The following RBM27 variants were observed in gnomAD, a reference collection of about 807,000 sequenced individuals.
RBM27 encodes the protein RNA binding motif protein 27.
Under a neutral mutation model 135.3 loss-of-function variants are expected in RBM27, and 22 were observed. The ratio of observed to expected loss-of-function variants is 0.16; its 90% CI spans 0.12 to 0.23. The LOEUF (loss-of-function observed/expected upper bound fraction) is 0.23, where lower values mean the gene tolerates loss of function less well. RBM27 is among the 10% of genes least tolerant of loss of function. The pLI is 1.00. For missense variants in RBM27, 1,009 were observed against 1,281.0 expected (o/e 0.79, Z 3.24); for synonymous variants, 481 against 442.4 (o/e 1.09, Z -1.10).
At chr5:146,207,569 A>T (rs939492321) in intron 1 of RBM27, among the ~76,000 whole-genome samples, 10 of 151,518 alleles carry the variant, frequency 6.6e-5, no homozygotes, top group Admixed American at 4.6e-4. Context: ...ACAGTAAATT[A>T]AATTTATGAA....
At chr5:146,237,013 A>G (rs1468455993) in intron 7 of RBM27, among the ~76,000 whole-genome samples, 1 of 131,372 alleles carries the variant, frequency 7.6e-6, no homozygotes, top group African/African-American at 3.0e-5. Flanking sequence ...ATCTCGGCTC[A>G]CCGCAACCTC....
rs1420675411 is a variant in RBM27 at position 146,251,753 on chromosome 5, A to G, written c.1322A>G (p.Glu441Gly). ...CGTGAACATGGTGCTGCTGCATCTG[A>G]GCGACTTCAGTTGGGGACACCGCCT... ...YSREHGAAAS[E>G]RLQLGTPPPL... Residue 441 changes from glutamate (E) to glycine (G), a missense_variant, in exon 9 of 21, where the codon GAG (glutamate) becomes GGG (glycine). Transcript: ENST00000265271. 1.9e-6 allele frequency: 3 copies of G among 1,613,186 alleles called. No individual in the cohort carries two copies. Among genetic ancestry groups the G allele is most frequent in the Admixed American group, 3.3e-5 (2 of 60,012 alleles).
At chr5:146,215,470 T>C (rs1458041519) in intron 1 of RBM27, among the ~76,000 whole-genome samples, 1 of 152,252 alleles carries the variant, frequency 6.6e-6, no homozygotes, top group African/African-American at 2.4e-5. Flanking sequence ...ATTAGACTCC[T>C]TGAAGGTTCC....
intron 1 of RBM27, among the ~76,000 whole-genome samples, chr5:146,209,603 T>C (rs960146312): frequency 6.6e-6 from 1 of 152,224 alleles, no homozygotes; most frequent in Non-Finnish European, 1.5e-5. Flanking sequence ...AATTGAACTC[T>C]GGATAGTAAT....
intron 13 of RBM27, among the ~76,000 whole-genome samples, chr5:146,262,557 A>C (rs1423609901): frequency 1.3e-5 from 2 of 152,220 alleles, no homozygotes; most frequent in Non-Finnish European, 2.9e-5. Context: ...AGATAATCTC[A>C]TGCTTAGATT....
At chr5:146,271,123 G>A (rs187100322) in intron 18 of RBM27, 65 bp downstream of exon 18, 324 of 1,234,126 alleles carry the variant, frequency 2.6e-4, no homozygotes, top group Admixed American at 3.6e-4. Flanking sequence ...TCCTTTGACC[G>A]GGCGCGGTGG....
chr5:146,216,754 C>A (rs1264436502), intron 1 of RBM27, among the ~76,000 whole-genome samples: 1 of 151,996 alleles, frequency 6.6e-6, no homozygotes, highest in Non-Finnish European at 1.5e-5. Flanking sequence ...ACCTCCTAGG[C>A]TCAGGCAATG....
intron 10 of RBM27, among the ~76,000 whole-genome samples, chr5:146,257,479 A>G (rs1385149787): frequency 6.6e-6 from 1 of 152,194 alleles, no homozygotes; most frequent in Non-Finnish European, 1.5e-5. Flanking sequence ...TTCACCAGTA[A>G]TATTTTACTA....
At position 146,230,540 on chromosome 5, in the gene RBM27, A is replaced by T. The variant is rs907246846; in HGVS notation, c.590-117A>T. The T allele has an allele frequency of 1.2e-5, 13 of 1,050,164 alleles. No individual in the cohort carries two copies. The African/African-American group carries it at 1.8e-4, about 14-fold the overall frequency. The allele number at this position is 1,050,164 out of a possible 1,614,324, so 65.1% of individuals were successfully genotyped here. On this transcript the variant is annotated intron_variant, in intron 5 of 20. Coordinates refer to ENST00000265271, the MANE Select transcript of RBM27 (RefSeq NM_018989.2). ...AAAGAGAGGAGTATGAAATATGGAT[A>T]GCTAGATAAGTTTAATTCAACATTC...
intron 3 of RBM27, among the ~76,000 whole-genome samples, chr5:146,227,446 T>C (rs976943027): frequency 6.6e-6 from 1 of 152,240 alleles, no homozygotes; most frequent in Non-Finnish European, 1.5e-5. Context: ...TGCCATATTG[T>C]GGCTGCCGTT....
At chr5:146,250,431 CA>C (rs775574346) in intron 8 of RBM27, among the ~76,000 whole-genome samples, 203 of 91,924 alleles carry the variant, frequency 2.2e-3, no homozygotes, top group East Asian at 0.012. Flanking sequence ...GACTCCGTCT[CA>C]AAAAAAAAAA....
chr5:146,248,210 G>A (rs62372765), intron 8 of RBM27, among the ~76,000 whole-genome samples: 1,758 of 147,936 alleles, frequency 0.012, 16 homozygotes, highest in Non-Finnish European at 0.019. Flanking sequence ...ATCAATAGGA[G>A]CCTCTTCATG....
At chr5:146,260,278 G>A (rs1225886720) in intron 11 of RBM27, among the ~76,000 whole-genome samples, 2 of 151,368 alleles carry the variant, frequency 1.3e-5, no homozygotes, top group African/African-American at 4.9e-5. Context: ...CAGCCTGGGC[G>A]AATGAGTGAG....
At chr5:146,281,135 G>A (rs143545788) in intron 19 of RBM27, among the ~76,000 whole-genome samples, 3 of 152,138 alleles carry the variant, frequency 2.0e-5, no homozygotes, top group East Asian at 1.9e-4. Flanking sequence ...GAGCCCCTGC[G>A]CCCAGCCTTT....
Position 146,261,677 on chromosome 5 carries a change from G to A in RBM27, c.2061G>A (p.Leu687=), listed in dbSNP as rs1250094983. 2.5e-6 allele frequency: 4 copies of A among 1,614,048 alleles called. No individual in the cohort carries two copies. In the South Asian group the frequency reaches 4.4e-5, roughly 18 times the overall value. The change falls in exon 13 of 21, where the codon CTG becomes CTA. Residue 687 remains leucine (L), a synonymous_variant. Coordinates refer to ENST00000265271, the MANE Select transcript of RBM27 (RefSeq NM_018989.2). ...CGACACTACAGTCCTCAGCACAGCTGCTCCTGCAACAACAGCAAACACTTA... is the reference window on the plus strand; with the variant it reads ...CGACACTACAGTCCTCAGCACAGCTACTCCTGCAACAACAGCAAACACTTA... ...EQPTLQSSAQ[L]LLQQQQTLSH...
chr5:146,243,120 G>T (rs909880222), intron 8 of RBM27, among the ~76,000 whole-genome samples: 1 of 151,802 alleles, frequency 6.6e-6, no homozygotes, highest in African/African-American at 2.4e-5. Context: ...ACAAAAATTA[G>T]CTGGGTGTGG....
At chr5:146,272,785 A>G (rs773930393) in intron 19 of RBM27, among the ~76,000 whole-genome samples, 14 of 152,062 alleles carry the variant, frequency 9.2e-5, no homozygotes, top group Non-Finnish European at 1.9e-4. Flanking sequence ...CTTCACTTCA[A>G]GTGTTTTTAT....
chr5:146,272,472 C>G (rs926910988), intron 19 of RBM27, among the ~76,000 whole-genome samples: 2 of 152,112 alleles, frequency 1.3e-5, no homozygotes, highest in Non-Finnish European at 2.9e-5. Context: ...AATCCCAGCA[C>G]TCTGGGAGGC....
chr5:146,248,769 C>G (rs937886752), intron 8 of RBM27, among the ~76,000 whole-genome samples: 2 of 152,040 alleles, frequency 1.3e-5, no homozygotes, highest in African/African-American at 4.8e-5. Context: ...CTCGGCCTTT[C>G]TGTATGTTCT....
Sources: gnomAD v4.1 joint callset for allele counts (sites outside exome capture counted in the v4.1 genomes callset) on GRCh38, gnomAD v4.1.1 for gene constraint, MANE v1.5 for transcripts, NCBI Gene and HGNC (gene_info 2026-07-23, HGNC 2026-07-21) for gene names.